The following RBFOX1 variants were observed in gnomAD, a reference collection of about 807,000 sequenced individuals.
RBFOX1 encodes RNA binding fox-1 homolog 1, also known as RNA binding protein fox-1 homolog 1.
A neutral mutation model predicts 57.7 loss-of-function variants in RBFOX1; 8 were observed. The ratio of observed to expected loss-of-function variants is 0.14; its 90% CI spans 0.08 to 0.25. RBFOX1 has a LOEUF of 0.25. RBFOX1 is among the 10% of genes least tolerant of loss of function. The pLI, the probability that RBFOX1 is intolerant of heterozygous loss-of-function variation, is 1.00. For synonymous variants in RBFOX1, 326 were observed against 222.4 expected, an observed-to-expected ratio of 1.47 and a Z score of -4.15; for missense variants, 611 against 548.5, an observed-to-expected ratio of 1.11 and a Z score of -1.14.
At chr16:7,179,576 A>T (rs1468145382) in intron 4 of RBFOX1, among the ~76,000 whole-genome samples, 1 of 152,042 alleles carries the variant, frequency 6.6e-6, no homozygotes, top group Non-Finnish European at 1.5e-5. Context: ...TTTTAAATTT[A>T]ACGTGGACAC....
At position 5,615,718 on chromosome 16, in the gene RBFOX1, G is replaced by T. The variant is rs118017335; in HGVS notation, c.318+16757G>T. Among the ~76,000 whole-genome samples, 413 of 152,302 alleles carry T rather than the reference G, an allele frequency of 2.7e-3. 3 individuals are homozygous for T. Among genetic ancestry groups the T allele is most frequent in the Admixed American group, 5.8e-3 (88 of 15,300 alleles). On this transcript the variant is annotated intron_variant, in intron 3 of 19. Transcript: ENST00000641259. ...GAAGGGGGCAGATCCACATTTTGTG[G>T]GACCTGAGCCTGGATCAACTTGGGG...
intron 2 of RBFOX1, among the ~76,000 whole-genome samples, chr16:5,476,409 A>G (rs2069325334): frequency 6.6e-6 from 1 of 152,168 alleles, no homozygotes; most frequent in Admixed American, 6.5e-5. Flanking sequence ...TGATTGCAAG[A>G]TTCTCCATTA....
intron 4 of RBFOX1, among the ~76,000 whole-genome samples, chr16:5,948,147 C>T (rs1015658093): frequency 1.3e-5 from 2 of 152,080 alleles, no homozygotes; most frequent in African/African-American, 4.8e-5. Context: ...TGACTCTTTC[C>T]CTAATGCTAT....
chr16:6,543,275 A>G (rs906034383), intron 2 of RBFOX1, among the ~76,000 whole-genome samples: 1 of 151,926 alleles, frequency 6.6e-6, no homozygotes, highest in Non-Finnish European at 1.5e-5. Flanking sequence ...GAGCTCAGCA[A>G]CTCTGGGAAT....
intron 3 of RBFOX1, among the ~76,000 whole-genome samples, chr16:6,905,676 G>A (rs2069691307): frequency 6.6e-6 from 1 of 152,048 alleles, no homozygotes; most frequent in African/African-American, 2.4e-5. Context: ...CCACCAAAAG[G>A]GGAAAAAAAG....
intron 12 of RBFOX1, among the ~76,000 whole-genome samples, chr16:7,655,573 G>A (rs1187703130): frequency 6.6e-6 from 1 of 152,148 alleles, no homozygotes; most frequent in Non-Finnish European, 1.5e-5. Flanking sequence ...ATCCAGAAAT[G>A]TAAAAATAAA....
chr16:6,381,180 C>A (rs1251019086), intron 2 of RBFOX1, among the ~76,000 whole-genome samples: 1 of 152,076 alleles, frequency 6.6e-6, no homozygotes, highest in Non-Finnish European at 1.5e-5. Context: ...ATTTTTGTTG[C>A]ATTTTATTTT....
At chr16:5,787,264 T>C (rs974355063) in intron 3 of RBFOX1, among the ~76,000 whole-genome samples, 12 of 152,148 alleles carry the variant, frequency 7.9e-5, no homozygotes, top group Non-Finnish European at 1.6e-4. Context: ...CTGTTTAGGA[T>C]TGTGCTGCTT....
intron 3 of RBFOX1, among the ~76,000 whole-genome samples, chr16:6,854,450 G>A (rs868841778): frequency 1.3e-5 from 2 of 152,112 alleles, no homozygotes; most frequent in East Asian, 3.9e-4. Flanking sequence ...GAAATTCAAT[G>A]GCATGTTACA....
At chr16:7,048,847 A>G (rs113259356) in intron 3 of RBFOX1, among the ~76,000 whole-genome samples, 63 of 152,240 alleles carry the variant, frequency 4.1e-4, no homozygotes, top group African/African-American at 1.4e-3. Flanking sequence ...TTAAAATCCC[A>G]TGGAAGTTGT....
At chr16:6,908,798 A>G (rs1431119369) in intron 3 of RBFOX1, among the ~76,000 whole-genome samples, 1 of 152,032 alleles carries the variant, frequency 6.6e-6, no homozygotes, top group Non-Finnish European at 1.5e-5. Context: ...CTGCCCAGTT[A>G]CCTCATTGAT....
chr16:6,055,673 C>A lies in RBFOX1; in HGVS notation c.-127+35681C>A, dbSNP rs558435743. Among the ~76,000 whole-genome samples the A allele has an allele frequency of 1.0e-4, 15 of 149,030 alleles. No individual in the cohort carries two copies. In the South Asian group the frequency reaches 3.2e-3, roughly 32 times the overall value. ...TCATGGAAGTTTGCAGTCTGAGAAG[C>A]GAGACAAAAAAAAGTGAAATCATTG... On this transcript the variant is annotated intron_variant, in intron 1 of 15. Coordinates refer to ENST00000550418, the MANE Select transcript of RBFOX1 (RefSeq NM_018723.4).
intron 4 of RBFOX1, among the ~76,000 whole-genome samples, chr16:7,501,773 C>G (rs1450275129): frequency 6.6e-6 from 1 of 152,192 alleles, no homozygotes; most frequent in Non-Finnish European, 1.5e-5. Context: ...TCTGGAAAAC[C>G]TTACCTGATA....
chr16:6,447,044 A>G (rs950420202), intron 2 of RBFOX1, among the ~76,000 whole-genome samples: 2 of 152,236 alleles, frequency 1.3e-5, no homozygotes, highest in Non-Finnish European at 2.9e-5. Context: ...CTAGGGAAAC[A>G]TGAAACGCAA....
At chr16:7,270,786 C>G (rs1026695473) in intron 4 of RBFOX1, among the ~76,000 whole-genome samples, 2 of 152,140 alleles carry the variant, frequency 1.3e-5, no homozygotes, top group African/African-American at 4.8e-5. Flanking sequence ...CTGGCTAGCT[C>G]TCTTCTTCCT....
intron 3 of RBFOX1, among the ~76,000 whole-genome samples, chr16:6,710,715 G>A (rs2063562637): frequency 6.6e-6 from 1 of 152,238 alleles, no homozygotes; most frequent in African/African-American, 2.4e-5. Flanking sequence ...GGCCCTGCTT[G>A]CCCTCGGGTG....
chr16:7,482,782 C>T (rs775127710), intron 4 of RBFOX1, among the ~76,000 whole-genome samples: 1 of 151,882 alleles, frequency 6.6e-6, no homozygotes, highest in Non-Finnish European at 1.5e-5. Flanking sequence ...CCCTGCCTAC[C>T]CACCTCTATG....
At chr16:7,286,865 A>T (rs866404296) in intron 4 of RBFOX1, among the ~76,000 whole-genome samples, 10 of 151,946 alleles carry the variant, frequency 6.6e-5, no homozygotes, top group South Asian at 6.2e-4. Context: ...CTGACCTCAG[A>T]TGATCCACCC....
intron 3 of RBFOX1, among the ~76,000 whole-genome samples, chr16:6,668,975 G>T (rs369100544): frequency 6.6e-6 from 1 of 152,152 alleles, no homozygotes; most frequent in Non-Finnish European, 1.5e-5. Flanking sequence ...TGGAGTGAAC[G>T]TTAATTAATT....
Sources: allele counts gnomAD v4.1 joint callset (sites outside exome capture counted in the v4.1 genomes callset), GRCh38; gene constraint gnomAD v4.1.1; transcripts MANE v1.5; gene names NCBI Gene and HGNC (gene_info 2026-07-23, HGNC 2026-07-21).